PUF60: variants seen among roughly 807,000 people sequenced by gnomAD.
PUF60 encodes the protein poly(U)-binding-splicing factor PUF60.
A neutral mutation model predicts 61.8 loss-of-function variants in PUF60; 10 were observed. The observed-to-expected ratio is 0.16, with a 90% CI of 0.10 to 0.27. The LOEUF (loss-of-function observed/expected upper bound fraction) is 0.27, where lower values mean the gene tolerates loss of function less well. Ranked by LOEUF, PUF60 falls within the 10% of genes least tolerant of loss-of-function variation. The pLI, the probability that PUF60 is intolerant of heterozygous loss-of-function variation, is 1.00. For missense variants in PUF60, 371 were observed against 754.0 expected (o/e 0.49, Z 5.95); for synonymous variants, 353 against 300.9 (o/e 1.17, Z -1.79).
chr8:143,816,509 AGGG>A lies in PUF60; in HGVS notation c.*8_*10del, dbSNP rs759156341. 13 of 1,598,150 alleles carry A rather than the reference AGGG, an allele frequency of 8.1e-6. No individual in the cohort carries two copies. Among genetic ancestry groups the A allele is most frequent in the Non-Finnish European group, 9.4e-6 (11 of 1,171,534 alleles). ...AAGGAACAAGTGCAAGTCCGGGGAGAGGGACCACTGTCACGCAGAGAGGTCACT... is the reference window on the plus strand; with the variant it reads ...AAGGAACAAGTGCAAGTCCGGGGAGAACCACTGTCACGCAGAGAGGTCACT... On this transcript the variant is annotated 3_prime_UTR_variant, in exon 12 of 12. Transcript: ENST00000526683.
rs1563838947 is a variant in PUF60, at chr8:143,824,331, G to C, written c.93C>G (p.Asp31Glu). 6.2e-7 allele frequency: 1 copy of C among 1,612,086 alleles called. No homozygotes were observed. Among genetic ancestry groups the C allele is most frequent in the Non-Finnish European group, 8.5e-7 (1 of 1,179,562 alleles). Residue 31 changes from aspartate to glutamate, a missense_variant, in exon 2 of 12, where the codon GAC (aspartate) becomes GAG (glutamate). Asp to Glu is a conservative substitution (Grantham distance 45). This residue lies in a region of PUF60 where 69 missense variants were observed against 64.7 expected (regional missense o/e 1.07). Transcript: ENST00000526683. ...TCAGTACCTGTGGAGGTTTCCATTT[G>C]TCTCCCGCTGCCACCACTGCCGCCG... ...AAAAAVVAAG[D>E]KWKPPQGTDS...
chr8:143,819,412 C>T (rs948880046), intron 5 of PUF60, among the ~76,000 whole-genome samples: 7 of 151,992 alleles, frequency 4.6e-5, no homozygotes, highest in Non-Finnish European at 7.4e-5. Context: ...CAGAGCCACA[C>T]GCAGTGGGCC....
At chr8:143,822,407 G>C in intron 2 of PUF60, 1 of 434,894 alleles carries the variant, frequency 2.3e-6, no homozygotes, top group South Asian at 1.6e-5. Flanking sequence ...GAGTTTCAAG[G>C]GGCCCACCCA....
At chr8:143,820,025 G>C (rs1816833332) in intron 5 of PUF60, among the ~76,000 whole-genome samples, 1 of 152,204 alleles carries the variant, frequency 6.6e-6, no homozygotes, top group Non-Finnish European at 1.5e-5. Flanking sequence ...GATGGGACCT[G>C]GCCTCCTCCT....
At chr8:143,821,481 C>T (rs1044435616) in intron 4 of PUF60, 116 bp downstream of exon 4, 46 of 961,024 alleles carry the variant, frequency 4.8e-5, no homozygotes, top group African/African-American at 4.4e-4. Flanking sequence ...CTTTGAGAAT[C>T]GGAGCACTGT....
chr8:143,816,555 G>C lies in PUF60; in HGVS notation c.1645C>G (p.Gln549Glu). 1 of 1,613,276 alleles carries C rather than the reference G, an allele frequency of 6.2e-7. No individual in the cohort carries two copies. Among genetic ancestry groups the C allele is most frequent in the Non-Finnish European group, 8.5e-7 (1 of 1,179,714 alleles). ...AGGTCACTGTTATCAAAACGCTCCT[G>C]GTCGTACACTTCAGCCACCACCTTG... ...GRKVVAEVYDQERFDNSDLSA is the reference protein window; with the variant it reads ...GRKVVAEVYDEERFDNSDLSA The change falls in exon 12 of 12, where the codon CAG becomes GAG. Residue 549 changes from glutamine to glutamate, a missense_variant. Gln to Glu is a conservative substitution (Grantham distance 29, BLOSUM62 2). Around this residue, in one of 13 missense-constraint regions of PUF60, gnomAD observed 17 missense variants for 37.3 expected, o/e 0.46. Coordinates refer to ENST00000526683, the MANE Select transcript of PUF60 (RefSeq NM_078480.3).
In PUF60 at chr8:143,817,340, C is replaced by T. The variant is rs758312311; in HGVS notation, c.1135G>A (p.Val379Ile). 2 of 1,593,354 alleles carry T rather than the reference C, an allele frequency of 1.3e-6. No homozygotes were observed. Among genetic ancestry groups the T allele is most frequent in the Admixed American group, 1.9e-5 (1 of 53,164 alleles). Residue 379 changes from valine to isoleucine, a missense_variant, in exon 10 of 12, where the codon GTC (valine) becomes ATC (isoleucine). This residue lies in a region of PUF60 where 31 missense variants were observed against 61.6 expected (regional missense o/e 0.50). Coordinates refer to ENST00000526683, the MANE Select transcript of PUF60 (RefSeq NM_078480.3). This position sits in a 1 kb window ranked among gnomAD's most constrained non-coding sequence, Gnocchi z 7.4. ...QAVMAAQAPG[V>I]ITGVTPARPP... ...ACCACTTAAGACTCACCTGTGATGA[C>T]TCCAGGTGCCTGGGCAGCCATGACA...
intron 11 of PUF60, 26 bp from the exon 12 acceptor site, chr8:143,816,845 C>T: frequency 6.2e-7 from 1 of 1,606,740 alleles, no homozygotes; most frequent in Non-Finnish European, 8.5e-7. Context: ...GAGGGGAAGA[C>T]AGCTGAGCAC....
At chr8:143,829,156 AG>A (rs1365680340) in intron 1 of PUF60, 123 bp downstream of exon 1, 1 of 1,215,146 alleles carries the variant, frequency 8.2e-7, no homozygotes, top group Admixed American at 4.3e-5. Context: ...CGGGGACACG[AG>A]GGAGTCCGCG....
chr8:143,826,453 G>A (rs1373335772), intron 1 of PUF60, among the ~76,000 whole-genome samples: 1 of 152,196 alleles, frequency 6.6e-6, no homozygotes, highest in South Asian at 2.1e-4. Flanking sequence ...AGTGGCTCAC[G>A]CCTGTAATCC....
intron 1 of PUF60, among the ~76,000 whole-genome samples, chr8:143,828,350 G>C (rs897550824): frequency 6.6e-6 from 1 of 152,226 alleles, no homozygotes; most frequent in Non-Finnish European, 1.5e-5. Flanking sequence ...CTGGGGGAAG[G>C]GTGACAAGTA....
intron 5 of PUF60, among the ~76,000 whole-genome samples, chr8:143,819,365 T>C (rs568823508): frequency 3.3e-5 from 5 of 151,926 alleles, no homozygotes; most frequent in African/African-American, 7.2e-5. Context: ...TTCTCGCCCC[T>C]GTCACCTCAC....
chr8:143,817,831 C>A lies in PUF60; in HGVS notation c.817+31G>T. 5 of 1,607,866 alleles carry A rather than the reference C, an allele frequency of 3.1e-6. No homozygotes were observed. In the South Asian group the frequency reaches 4.4e-5, roughly 14 times the overall value. ...CAGGGCCAGCCCCAGCCTCAGGTGGCCCCCATCCCGCCTCAGCCACCCCAG... is the reference window on the plus strand; with the variant it reads ...CAGGGCCAGCCCCAGCCTCAGGTGGACCCCATCCCGCCTCAGCCACCCCAG... On this transcript the variant is annotated intron_variant, in intron 8 of 11. Transcript: ENST00000526683. The surrounding 1 kb of genome is among the most constrained non-coding windows in gnomAD (Gnocchi z 7.4).
chr8:143,820,647 A>C lies in PUF60; in HGVS notation c.348+19T>G. The stretch of plus-strand genomic sequence containing the variant: ...GACTAAGGACATGAGCCCCGGAAGA[A>C]GTGAGCATTTCTATTGACCGATTGC... On this transcript the variant is annotated intron_variant, in intron 5 of 11. Coordinates refer to ENST00000526683, the MANE Select transcript of PUF60 (RefSeq NM_078480.3). 6.2e-7 allele frequency: 1 copy of C among 1,609,130 alleles called. No individual in the cohort carries two copies. Among genetic ancestry groups the C allele is most frequent in the African/African-American group, 1.3e-5 (1 of 74,950 alleles).
intron 2 of PUF60, 21 bp from the exon 3 acceptor site, chr8:143,821,934 T>A: frequency 6.4e-7 from 1 of 1,557,464 alleles, no homozygotes; most frequent in Non-Finnish European, 8.7e-7. Flanking sequence ...AGCAGGGGAA[T>A]CCATCAGCAG....
At chr8:143,824,019 C>A (rs1324376558) in intron 2 of PUF60, among the ~76,000 whole-genome samples, 2 of 152,276 alleles carry the variant, frequency 1.3e-5, no homozygotes, top group Non-Finnish European at 2.9e-5. Flanking sequence ...GAGCTCCAGG[C>A]CCCGGCGTCC....
At chr8:143,825,697 G>A (rs185469774) in intron 1 of PUF60, among the ~76,000 whole-genome samples, 3 of 152,326 alleles carry the variant, frequency 2.0e-5, no homozygotes, top group Admixed American at 2.0e-4. Flanking sequence ...GCCCAAGCTG[G>A]TCTCAAACAA....
intron 5 of PUF60, among the ~76,000 whole-genome samples, chr8:143,819,689 C>T (rs1816794509): frequency 6.6e-6 from 1 of 152,174 alleles, no homozygotes; most frequent in Non-Finnish European, 1.5e-5. Context: ...CCCTGACAGA[C>T]CTCAGGCTCC....
Position 143,817,416 on chromosome 8 carries a change from C to G in PUF60, c.1059G>C (p.Leu353=). 6.2e-7 allele frequency: 1 copy of G among 1,601,818 alleles called. No individual in the cohort carries two copies. The highest frequency in any genetic ancestry group is 8.5e-7 in the Non-Finnish European group (1 of 1,176,180). ...GGGCCAGGGTCAGTGCTGGGGACACCAGTCCAGGTGTGCCCAGGGTACCCA... is the reference window on the plus strand; with the variant it reads ...GGGCCAGGGTCAGTGCTGGGGACACGAGTCCAGGTGTGCCCAGGGTACCCA... ...AVLGTLGTPG[L]VSPALTLAQP... The change falls in exon 10 of 12, where the codon CTG becomes CTC. Residue 353 remains leucine, a synonymous_variant. Transcript: ENST00000526683. This position sits in a 1 kb window ranked among gnomAD's most constrained non-coding sequence, Gnocchi z 7.4.
Sources: allele counts gnomAD v4.1 joint callset (sites outside exome capture counted in the v4.1 genomes callset), GRCh38; gene constraint gnomAD v4.1.1; regional missense constraint gnomAD v4.1.1; non-coding constraint Gnocchi (gnomAD v3.1); transcripts MANE v1.5; gene names NCBI Gene and HGNC (gene_info 2026-07-23, HGNC 2026-07-21).